PLCH1: variants seen among roughly 807,000 people sequenced by gnomAD.
PLCH1 encodes 1-phosphatidylinositol 4,5-bisphosphate phosphodiesterase eta-1.
PLCH1 carries 60 observed loss-of-function variants against 126.7 expected under a neutral mutation model. The observed-to-expected ratio is 0.47, with a 90% CI of 0.38 to 0.59. The LOEUF is 0.59. PLCH1 is among the 20% of genes least tolerant of loss of function. The probability of loss-of-function intolerance (pLI) is 0.00; values close to 1 mark genes in which losing one functional copy is unlikely to be tolerated. For missense variants in PLCH1, 1,723 were observed against 2,040.0 expected, an observed-to-expected ratio of 0.84 and a Z score of 2.99; for synonymous variants, 719 against 734.9, an observed-to-expected ratio of 0.98 and a Z score of 0.35.
At chr3:155,602,844 T>C (rs1025928301) in intron 2 of PLCH1, among the ~76,000 whole-genome samples, 1 of 152,220 alleles carries the variant, frequency 6.6e-6, no homozygotes, top group Non-Finnish European at 1.5e-5. Context: ...CATATATACA[T>C]ATTTGTGCAT....
intron 2 of PLCH1, among the ~76,000 whole-genome samples, chr3:155,623,312 T>G (rs138008344): frequency 0.011 from 1,644 of 152,188 alleles, 31 homozygotes; most frequent in African/African-American, 0.038. Context: ...AAGAAAGATC[T>G]AAAATCGATA....
chr3:155,629,727 C>T (rs1378779458), intron 2 of PLCH1, among the ~76,000 whole-genome samples: 1 of 152,154 alleles, frequency 6.6e-6, no homozygotes, highest in African/African-American at 2.4e-5. Context: ...CAGCAACCTC[C>T]CACTGGGAGC....
At chr3:155,561,298 A>C (rs1343811115) in intron 8 of PLCH1, among the ~76,000 whole-genome samples, 1 of 92,316 alleles carries the variant, frequency 1.1e-5, no homozygotes, top group South Asian at 4.2e-4. Flanking sequence ...CCCACCCCAC[A>C]ACAGTCCCCA....
intron 2 of PLCH1, among the ~76,000 whole-genome samples, chr3:155,686,499 T>C (rs1744958155): frequency 6.6e-6 from 1 of 152,196 alleles, no homozygotes; most frequent in Admixed American, 6.5e-5. Context: ...AAGGAATTTT[T>C]GAAGCTGTGG....
chr3:155,545,446 T>C (rs371371427), intron 10 of PLCH1, among the ~76,000 whole-genome samples: 27,031 of 147,578 alleles, frequency 0.18, 3,030 homozygotes, highest in African/African-American at 0.32. Flanking sequence ...CAAAGCCGAA[T>C]TCTACCAGAG....
At chr3:155,512,516 G>C (rs904560355) in intron 12 of PLCH1, among the ~76,000 whole-genome samples, 1 of 152,164 alleles carries the variant, frequency 6.6e-6, no homozygotes, top group Non-Finnish European at 1.5e-5. Context: ...CTTCCAAGGG[G>C]ACATGACACA....
intron 9 of PLCH1, among the ~76,000 whole-genome samples, chr3:155,551,485 A>G (rs1426432602): frequency 7.1e-6 from 1 of 140,924 alleles, no homozygotes; most frequent in Admixed American, 7.1e-5. Context: ...AAAAAAGCCT[A>G]ATTAGTGCTT....
chr3:155,563,514 C>A (rs765395854), intron 8 of PLCH1, among the ~76,000 whole-genome samples: 26 of 151,972 alleles, frequency 1.7e-4, no homozygotes, highest in Non-Finnish European at 2.8e-4. Flanking sequence ...TCCTTAACAT[C>A]ATCTCTTTCT....
intron 14 of PLCH1, among the ~76,000 whole-genome samples, chr3:155,498,232 C>G (rs1017356381): frequency 1.3e-5 from 2 of 152,054 alleles, no homozygotes; most frequent in Non-Finnish European, 2.9e-5. Context: ...CCCTAAAGTG[C>G]GGGAGTAGTA....
intron 1 of PLCH1, among the ~76,000 whole-genome samples, chr3:155,710,473 A>G (rs1003407943): frequency 3.3e-5 from 5 of 152,216 alleles, no homozygotes; most frequent in East Asian, 1.9e-4. Flanking sequence ...AATCCTTACA[A>G]TGATTCAAAA....
intron 2 of PLCH1, among the ~76,000 whole-genome samples, chr3:155,606,826 C>A (rs563778032): frequency 1.3e-5 from 2 of 152,288 alleles, no homozygotes; most frequent in African/African-American, 4.8e-5. Context: ...GAGTTCCCAA[C>A]TTTTAGAGAA....
chr3:155,574,231 TAC>T (rs1433871200), intron 6 of PLCH1, among the ~76,000 whole-genome samples: 1 of 152,124 alleles, frequency 6.6e-6, no homozygotes, highest in Non-Finnish European at 1.5e-5. Context: ...ACCTCTTACA[TAC>T]AGTTTTATGC....
At chr3:155,615,610 T>C (rs1735705308) in intron 2 of PLCH1, among the ~76,000 whole-genome samples, 1 of 152,172 alleles carries the variant, frequency 6.6e-6, no homozygotes, top group African/African-American at 2.4e-5. Flanking sequence ...AATAATGGCA[T>C]TCACAGCAAC....
chr3:155,637,243 G>A (rs1738838048), intron 2 of PLCH1, among the ~76,000 whole-genome samples: 1 of 152,180 alleles, frequency 6.6e-6, no homozygotes, highest in Admixed American at 6.5e-5. Flanking sequence ...AAACTGACTA[G>A]GATAAATTAA....
At chr3:155,580,193 T>A (rs1245804642) in intron 6 of PLCH1, among the ~76,000 whole-genome samples, 1 of 152,210 alleles carries the variant, frequency 6.6e-6, no homozygotes, top group Non-Finnish European at 1.5e-5. Flanking sequence ...GAAACAAATC[T>A]TTTATATAGC....
intron 1 of PLCH1, among the ~76,000 whole-genome samples, chr3:155,710,748 G>A (rs1559955736): frequency 6.6e-6 from 1 of 151,630 alleles, no homozygotes; most frequent in South Asian, 2.1e-4. Flanking sequence ...AAGGAGAATG[G>A]CTTGAACCCG....
intron 10 of PLCH1, among the ~76,000 whole-genome samples, chr3:155,548,541 C>T (rs948184411): frequency 2.0e-5 from 3 of 152,134 alleles, no homozygotes; most frequent in Admixed American, 6.5e-5. Context: ...TTCCACTGTC[C>T]AAAGGAGAAA....
At chr3:155,547,625 G>C (rs1725536566) in intron 10 of PLCH1, among the ~76,000 whole-genome samples, 1 of 152,076 alleles carries the variant, frequency 6.6e-6, no homozygotes, top group Non-Finnish European at 1.5e-5. Context: ...CAATAGCAAA[G>C]GCTTGGAACC....
chr3:155,616,114 C>T (rs549751110), intron 2 of PLCH1, among the ~76,000 whole-genome samples: 46 of 152,210 alleles, frequency 3.0e-4, no homozygotes, highest in African/African-American at 1.1e-3. Context: ...AAGAGTCCGA[C>T]ATTATCTGTG....
Sources: gnomAD v4.1 joint callset for allele counts (sites outside exome capture counted in the v4.1 genomes callset) on GRCh38, gnomAD v4.1.1 for gene constraint, MANE v1.5 for transcripts, NCBI Gene and HGNC (gene_info 2026-07-23, HGNC 2026-07-21) for gene names.